HACD1: variants seen among roughly 807,000 people sequenced by gnomAD.
HACD1 encodes 3-hydroxyacyl-CoA dehydratase 1, also known as very-long-chain (3R)-3-hydroxyacyl-CoA dehydratase 1.
In HACD1, 41 loss-of-function variants were observed where a neutral mutation model predicts 32.0. The observed-to-expected ratio is 1.28, with a 90% CI of 1.00 to 1.66. HACD1 has a LOEUF of 1.66. Among genes scored for constraint, HACD1 ranks in the 40% most tolerant of loss-of-function variants. The probability of loss-of-function intolerance (pLI) is 0.00; values close to 1 mark genes in which losing one functional copy is unlikely to be tolerated. For missense variants in HACD1, 396 were observed against 380.1 expected, an observed-to-expected ratio of 1.04 and a Z score of -0.35; for synonymous variants, 142 against 139.0, an observed-to-expected ratio of 1.02 and a Z score of -0.15.
intron 6 of HACD1, among the ~76,000 whole-genome samples, chr10:17,591,984 T>TTTTTTTTTTTTTTTTG (rs1833934715): frequency 7.6e-6 from 1 of 132,004 alleles, no homozygotes; most frequent in African/African-American, 3.4e-5. Context: ...TGATTTTTTT[T>TTTTTTTTTTTTTTTTG]TTTTTTTTTT....
chr10:17,612,789 G>A (rs1040317097), intron 1 of HACD1, among the ~76,000 whole-genome samples: 1 of 152,022 alleles, frequency 6.6e-6, no homozygotes, highest in Non-Finnish European at 1.5e-5. Flanking sequence ...GGGCGTGGTG[G>A]CGGGCGCCAG....
chr10:17,615,868 G>A (rs11254688), intron 1 of HACD1: 41,807 of 423,786 alleles, frequency 0.099, 2,435 homozygotes, highest in East Asian at 0.24. Flanking sequence ...TCCGGAGGCC[G>A]AGGCAGGAGA....
At chr10:17,603,504 T>C (rs1834099959) in intron 4 of HACD1, 56 bp downstream of exon 4, 1 of 1,425,920 alleles carries the variant, frequency 7.0e-7, no homozygotes, top group African/African-American at 1.4e-5. Context: ...TTTAGATTCC[T>C]ATGAATGGAA....
intron 1 of HACD1, among the ~76,000 whole-genome samples, chr10:17,608,195 T>C (rs528521088): frequency 6.6e-6 from 1 of 151,826 alleles, no homozygotes; most frequent in Non-Finnish European, 1.5e-5. Context: ...CTTGCTGTTG[T>C]GGGGTTTTTT....
chr10:17,601,175 A>C (rs1159152197), intron 4 of HACD1, among the ~76,000 whole-genome samples: 1 of 152,028 alleles, frequency 6.6e-6, no homozygotes, highest in Non-Finnish European at 1.5e-5. Flanking sequence ...CTGGGACTAC[A>C]GGTGCGCACC....
intron 1 of HACD1, among the ~76,000 whole-genome samples, chr10:17,611,457 T>A (rs1554817489): frequency 6.6e-6 from 1 of 152,258 alleles, no homozygotes; most frequent in African/African-American, 2.4e-5. Context: ...CCTACCTGTC[T>A]GTCCTCTGAC....
rs143634601 is a variant in HACD1 at position 17,594,389 on chromosome 10, G to A, written c.606-6C>T. 2,285 of 1,451,052 alleles carry A rather than the reference G, an allele frequency of 1.6e-3. 2 individuals are homozygous for A. The highest frequency in any genetic ancestry group is 1.9e-3 in the Non-Finnish European group (2,083 of 1,093,330). 89.9% of individuals were successfully genotyped at this position (1,451,052 alleles called of 1,614,324 possible). On this transcript the variant is annotated splice_region_variant and splice_polypyrimidine_tract_variant and intron_variant, in intron 5 of 6. Transcript: ENST00000361271. The stretch of plus-strand genomic sequence containing the variant: ...AGATGATAAAAAAATTATATCTGGA[G>A]AAAGAAAAACCTCAGAGAATTATTT...
intron 1 of HACD1, among the ~76,000 whole-genome samples, chr10:17,604,822 C>T (rs1294628338): frequency 1.3e-5 from 2 of 152,170 alleles, no homozygotes; most frequent in African/African-American, 2.4e-5. Context: ...CCTCCCATCT[C>T]AGCCTTCCCC....
chr10:17,607,604 G>T (rs1236318817), intron 1 of HACD1, among the ~76,000 whole-genome samples: 1 of 152,178 alleles, frequency 6.6e-6, no homozygotes, highest in Non-Finnish European at 1.5e-5. Flanking sequence ...CATTTGGATG[G>T]CAAGTTTTCT....
rs1379148930 is a variant in HACD1 at position 17,616,994 on chromosome 10, C to T, written c.257+89G>A. On this transcript the variant is annotated intron_variant, in intron 1 of 6. Transcript: ENST00000361271. ...GGCCGCTGCCCGCACCCCCCGCGCCCCTTACACCCCGGCCCGCGCCCCCTG... is the reference window on the plus strand; with the variant it reads ...GGCCGCTGCCCGCACCCCCCGCGCCTCTTACACCCCGGCCCGCGCCCCCTG... 5 of 1,285,650 alleles carry T rather than the reference C, an allele frequency of 3.9e-6. No homozygotes were observed. The African/African-American group carries it at 7.8e-5, about 20-fold the overall frequency. The allele number at this position is 1,285,650 out of a possible 1,614,324, so 79.6% of individuals were successfully genotyped here. A position where few individuals can be genotyped will look rare whatever the true frequency, so the allele number is the denominator to read the frequency against.
At chr10:17,610,088 C>T (rs189123143) in intron 1 of HACD1, among the ~76,000 whole-genome samples, 9 of 151,932 alleles carry the variant, frequency 5.9e-5, no homozygotes, top group East Asian at 5.8e-4. Context: ...AGCATATGTT[C>T]GTACATAGAC....
chr10:17,602,434 G>A (rs1834084054), intron 4 of HACD1, among the ~76,000 whole-genome samples: 1 of 152,112 alleles, frequency 6.6e-6, no homozygotes, highest in Non-Finnish European at 1.5e-5. Context: ...TCGCCTGAAA[G>A]GTTTGAATCA....
At chr10:17,609,805 A>G (rs1834204410) in intron 1 of HACD1, among the ~76,000 whole-genome samples, 1 of 151,364 alleles carries the variant, frequency 6.6e-6, no homozygotes, top group African/African-American at 2.4e-5. Flanking sequence ...ACCTGGTGAA[A>G]CCCCGTCTCT....
At position 17,603,570 on chromosome 10, in the gene HACD1, C is replaced by A. The variant is rs781827306; in HGVS notation, c.473G>T (p.Ser158Ile). 38 of 1,609,398 alleles carry A rather than the reference C, an allele frequency of 2.4e-5. No individual in the cohort carries two copies. Among genetic ancestry groups the A allele is most frequent in the Non-Finnish European group, 3.1e-5 (37 of 1,176,044 alleles). The part of the protein sequence containing the change: ...RIFMVWLITH[S>I]IKPIQNEESV... Reference sequence around the variant, plus strand: ...GTTTGTGTCACTTACTGGTTTTATACTGTGAGTAATGAGCCACACCATAAA... The same window carrying A: ...GTTTGTGTCACTTACTGGTTTTATAATGTGAGTAATGAGCCACACCATAAA... Residue 158 changes from serine to isoleucine, a missense_variant, in exon 4 of 7, where the codon AGT becomes ATT. Transcript: ENST00000361271.
chr10:17,616,825 C>T (rs1487122506), intron 1 of HACD1, among the ~76,000 whole-genome samples: 3 of 152,068 alleles, frequency 2.0e-5, no homozygotes, highest in Non-Finnish European at 2.9e-5. Flanking sequence ...GCCGGCACCG[C>T]ATTCCTGCCC....
At chr10:17,609,289 G>A (rs897472190) in intron 1 of HACD1, among the ~76,000 whole-genome samples, 3 of 151,748 alleles carry the variant, frequency 2.0e-5, no homozygotes, top group Non-Finnish European at 4.4e-5. Context: ...TAGTAGCTGA[G>A]ACTATAGGCG....
At chr10:17,616,392 T>C (rs138242058) in intron 1 of HACD1, among the ~76,000 whole-genome samples, 322 of 152,280 alleles carry the variant, frequency 2.1e-3, no homozygotes, top group Middle Eastern at 0.02. Flanking sequence ...AATTGAGAAA[T>C]GGAAAAGCAT....
chr10:17,617,355 G>C lies in HACD1; in HGVS notation c.-16C>G. 7.4e-7 allele frequency: 1 copy of C among 1,352,482 alleles called. No homozygotes were observed. Among genetic ancestry groups the C allele is most frequent in the Middle Eastern group, 2.8e-4 (1 of 3,632 alleles). 83.8% of individuals were successfully genotyped at this position (1,352,482 alleles called of 1,614,324 possible). A position where few individuals can be genotyped will look rare whatever the true frequency, so the allele number is the denominator to read the frequency against. On this transcript the variant is annotated 5_prime_UTR_variant, in exon 1 of 7. Transcript: ENST00000361271. ...GGCGCCCCATGTGCAGCGCGCAGGGGGCTCGGCGCAGCCAGCTCTACCGAC... is the reference window on the plus strand; with the variant it reads ...GGCGCCCCATGTGCAGCGCGCAGGGCGCTCGGCGCAGCCAGCTCTACCGAC...
At chr10:17,614,904 C>T (rs1554817857) in intron 1 of HACD1, among the ~76,000 whole-genome samples, 2 of 152,100 alleles carry the variant, frequency 1.3e-5, no homozygotes, top group East Asian at 1.9e-4. Flanking sequence ...AGGCGCCCGC[C>T]ATGGCGCCCG....
Sources: allele counts gnomAD v4.1 joint callset (sites outside exome capture counted in the v4.1 genomes callset), GRCh38; gene constraint gnomAD v4.1.1; transcripts MANE v1.5; gene names NCBI Gene and HGNC (gene_info 2026-07-23, HGNC 2026-07-21).